Variants in CA10 observed in about 807,000 individuals in gnomAD.
CA10 encodes carbonic anhydrase 10 (inactive).
In CA10, 14 loss-of-function variants were observed where a neutral mutation model predicts 44.2. The observed-to-expected ratio is 0.32, with a 90% CI of 0.21 to 0.50. The LOEUF (loss-of-function observed/expected upper bound fraction) is 0.50. CA10 is among the 20% of genes least tolerant of loss of function. The pLI is 0.99. For missense variants in CA10, 350 were observed against 409.7 expected, an observed-to-expected ratio of 0.85 and a Z score of 1.26; for synonymous variants, 159 against 141.6, an observed-to-expected ratio of 1.12 and a Z score of -0.87.
At chr17:51,683,506 G>A (rs747867238) in intron 4 of CA10, among the ~76,000 whole-genome samples, 3 of 152,136 alleles carry the variant, frequency 2.0e-5, no homozygotes, top group Admixed American at 6.6e-5. Context: ...TGGTAAAGCC[G>A]CCTGTGAGGT....
At chr17:51,647,584 C>T (rs1301050826) in intron 6 of CA10, among the ~76,000 whole-genome samples, 1 of 152,124 alleles carries the variant, frequency 6.6e-6, no homozygotes, top group Non-Finnish European at 1.5e-5. Flanking sequence ...AGGAAAGTCC[C>T]TCTAATGATT....
At chr17:52,040,745 A>G (rs1986745547) in intron 2 of CA10, among the ~76,000 whole-genome samples, 1 of 152,058 alleles carries the variant, frequency 6.6e-6, no homozygotes, top group Admixed American at 6.6e-5. Context: ...CAGAGTTCGG[A>G]GAGACCAAGG....
rs905063570 is a variant in CA10, at chr17:51,900,756, G to A, written c.279+30234C>T. On this transcript the variant is annotated intron_variant, in intron 3 of 8. Coordinates refer to ENST00000451037, the MANE Select transcript of CA10 (RefSeq NM_020178.5). The stretch of plus-strand genomic sequence containing the variant: ...TTTTTGTCTAAGTTATTTTGGAAAA[G>A]CAGTGTTCGAGCTCTGCAATTCTTT... Among the ~76,000 whole-genome samples, 9 of 152,224 alleles carry A rather than the reference G, an allele frequency of 5.9e-5. 1 individual carries two copies. Among genetic ancestry groups the A allele is most frequent in the Admixed American group, 2.0e-4 (3 of 15,284 alleles).
intron 3 of CA10, among the ~76,000 whole-genome samples, chr17:51,898,251 G>T (rs1243491661): frequency 1.3e-5 from 2 of 151,566 alleles, no homozygotes; most frequent in African/African-American, 4.8e-5. Context: ...ACAGTGTCTG[G>T]TTTGTTGTTT....
chr17:51,944,668 A>G (rs1230992347), intron 2 of CA10, among the ~76,000 whole-genome samples: 3 of 152,146 alleles, frequency 2.0e-5, no homozygotes, highest in African/African-American at 7.2e-5. Context: ...ATATAAAACA[A>G]TGTGCACTGG....
intron 3 of CA10, among the ~76,000 whole-genome samples, chr17:51,856,437 T>C (rs1489561663): frequency 1.3e-5 from 2 of 152,030 alleles, no homozygotes; most frequent in African/African-American, 4.8e-5. Context: ...ACAAGGAGTC[T>C]AGAAACAATA....
At chr17:51,657,115 C>T (rs1484842884) in intron 4 of CA10, among the ~76,000 whole-genome samples, 1 of 152,108 alleles carries the variant, frequency 6.6e-6, no homozygotes, top group African/African-American at 2.4e-5. Context: ...CTCTATAGGC[C>T]TTTGCAGTTT....
chr17:51,696,555 T>C lies in CA10; in HGVS notation c.466-42819A>G, dbSNP rs186928206. On this transcript the variant is annotated intron_variant, in intron 4 of 8. Coordinates refer to ENST00000451037, the MANE Select transcript of CA10 (RefSeq NM_020178.5). ...CCACCTTCTAGATTTTTTGATTCTT[T>C]GTATGGATTTTTGGGTTGCCAATTT... Among the ~76,000 whole-genome samples the C allele has an allele frequency of 4.9e-3, 749 of 152,310 alleles. 9 individuals carry two copies. The highest frequency in any genetic ancestry group is 0.017 in the African/African-American group (711 of 41,558).
chr17:51,815,384 G>C (rs1026819402), intron 3 of CA10, among the ~76,000 whole-genome samples: 3 of 152,198 alleles, frequency 2.0e-5, no homozygotes, highest in African/African-American at 7.2e-5. Context: ...TCCGTTGCCT[G>C]AGAGTCAGTG....
intron 2 of CA10, among the ~76,000 whole-genome samples, chr17:52,011,111 G>A (rs1360132537): frequency 6.6e-6 from 1 of 151,914 alleles, no homozygotes; most frequent in Non-Finnish European, 1.5e-5. Context: ...ACTGGGAATT[G>A]TATTGTGGAT....
At chr17:51,921,675 G>A (rs539713139) in intron 3 of CA10, among the ~76,000 whole-genome samples, 2 of 152,142 alleles carry the variant, frequency 1.3e-5, no homozygotes, top group African/African-American at 4.8e-5. Flanking sequence ...GGCCTCACTT[G>A]TCATGGATGT....
chr17:51,878,502 C>A (rs954218279), intron 3 of CA10, among the ~76,000 whole-genome samples: 2 of 151,938 alleles, frequency 1.3e-5, no homozygotes, highest in Non-Finnish European at 1.5e-5. Flanking sequence ...CATTATTGTT[C>A]AAGATTGAAA....
intron 4 of CA10, among the ~76,000 whole-genome samples, chr17:51,670,153 TTA>T (rs1396004248): frequency 2.6e-5 from 4 of 152,206 alleles, no homozygotes; most frequent in Non-Finnish European, 4.4e-5. Context: ...CCTCTTTTCT[TTA>T]TAAATTACCC....
At chr17:52,087,460 T>C (rs1288665521) in intron 1 of CA10, among the ~76,000 whole-genome samples, 1 of 152,146 alleles carries the variant, frequency 6.6e-6, no homozygotes, top group Non-Finnish European at 1.5e-5. Flanking sequence ...TGTATTTAAA[T>C]GCTAGACAAA....
intron 8 of CA10, among the ~76,000 whole-genome samples, chr17:51,632,696 A>C (rs1453317735): frequency 6.6e-6 from 1 of 152,204 alleles, no homozygotes; most frequent in Admixed American, 6.5e-5. Context: ...AACTAGGCCC[A>C]GAACTTGGGT....
chr17:51,875,483 TCA>T (rs1253398160), intron 3 of CA10, among the ~76,000 whole-genome samples: 2 of 152,330 alleles, frequency 1.3e-5, no homozygotes, highest in Middle Eastern at 3.4e-3. Context: ...TGTTTACAGC[TCA>T]CAGTCCTTCT....
intron 3 of CA10, among the ~76,000 whole-genome samples, chr17:51,921,339 T>C (rs924457273): frequency 1.3e-5 from 2 of 152,190 alleles, no homozygotes; most frequent in Non-Finnish European, 2.9e-5. Context: ...AATTTTCACA[T>C]AGCTTGAATT....
Position 51,670,502 on chromosome 17 carries a change from C to G in CA10, c.466-16766G>C, listed in dbSNP as rs73987145. 7.3e-4 allele frequency among the ~76,000 whole-genome samples: 110 copies of G among 151,504 alleles called. 1 individual carries two copies. In the Middle Eastern group the frequency reaches 0.01, roughly 14 times the overall value. On this transcript the variant is annotated intron_variant, in intron 4 of 8. Coordinates refer to ENST00000451037, the MANE Select transcript of CA10 (RefSeq NM_020178.5). Reference sequence around the variant, plus strand: ...GTCCGCATTCCTTTTTTTTTTTTCCCCCTGGAATCTCTGGGACACCAACTC... The same window carrying G: ...GTCCGCATTCCTTTTTTTTTTTTCCGCCTGGAATCTCTGGGACACCAACTC...
intron 1 of CA10, among the ~76,000 whole-genome samples, chr17:52,147,646 C>T (rs189665956): frequency 2.0e-5 from 3 of 152,240 alleles, no homozygotes; most frequent in African/African-American, 7.2e-5. Flanking sequence ...AGAAATAAAA[C>T]ATAATGACTT....
Sources: allele counts gnomAD v4.1 joint callset (sites outside exome capture counted in the v4.1 genomes callset), GRCh38; gene constraint gnomAD v4.1.1; transcripts MANE v1.5; gene names NCBI Gene and HGNC (gene_info 2026-07-23, HGNC 2026-07-21).